The following EDNRB variants were observed in gnomAD, a reference collection of about 807,000 sequenced individuals.
The protein encoded by EDNRB is Hirschsprung disease 2.
A neutral mutation model predicts 46.4 loss-of-function variants in EDNRB; 18 were observed. That is an observed-to-expected ratio of 0.39 (90% confidence interval 0.27 to 0.57). The LOEUF (loss-of-function observed/expected upper bound fraction) is 0.57, where lower values mean the gene tolerates loss of function less well. Ranked by LOEUF, EDNRB falls within the 20% of genes least tolerant of loss-of-function variation. EDNRB has a pLI of 0.61. For missense variants in EDNRB, 434 were observed against 537.5 expected, an observed-to-expected ratio of 0.81 and a Z score of 1.90; for synonymous variants, 213 against 204.9, an observed-to-expected ratio of 1.04 and a Z score of -0.34.
intron 1 of EDNRB, among the ~76,000 whole-genome samples, chr13:77,945,901 A>AAAAAAAAAAAAAAAAAAC (rs1391892820): frequency 9.9e-5 from 15 of 150,810 alleles, no homozygotes; most frequent in South Asian, 2.1e-4. Context: ...AAACAAAAAA[A>AAAAAAAAAAAAAAAAAAC]ACACACAATC....
chr13:77,938,175 G>C (rs1880624258), intron 1 of EDNRB, among the ~76,000 whole-genome samples: 1 of 152,058 alleles, frequency 6.6e-6, no homozygotes, highest in Non-Finnish European at 1.5e-5. Flanking sequence ...GTTGCCCATA[G>C]TGAAGGAGGC....
chr13:77,966,961 T>C (rs959201128), intron 1 of EDNRB, among the ~76,000 whole-genome samples: 2 of 152,146 alleles, frequency 1.3e-5, no homozygotes, highest in Non-Finnish European at 2.9e-5. Context: ...ATCCTCTAAA[T>C]AACCCATTCA....
At chr13:77,963,223 C>G (rs888684360) in intron 1 of EDNRB, among the ~76,000 whole-genome samples, 1 of 152,156 alleles carries the variant, frequency 6.6e-6, no homozygotes, top group African/African-American at 2.4e-5. Context: ...CAATGCCATC[C>G]CCATCAACCT....
chr13:77,947,584 C>T (rs1199267390), intron 1 of EDNRB: 3 of 152,056 alleles, frequency 2.0e-5, no homozygotes, highest in Non-Finnish European at 2.9e-5. Context: ...TGACCTGCTC[C>T]GTTTCCAACC....
intron 1 of EDNRB, among the ~76,000 whole-genome samples, chr13:77,957,979 A>G (rs919859143): frequency 6.6e-5 from 10 of 152,324 alleles, no homozygotes; most frequent in Middle Eastern, 3.4e-3. Flanking sequence ...AATTCTTTTT[A>G]AAATGTTGAG....
Position 77,972,572 on chromosome 13 carries a change from C to G in EDNRB, c.-52+2775G>C, listed in dbSNP as rs554225632. Among the ~76,000 whole-genome samples, 27 of 152,202 alleles carry G rather than the reference C, an allele frequency of 1.8e-4. 1 individual carries two copies. The highest frequency in any genetic ancestry group is 6.3e-4 in the African/African-American group (26 of 41,520). On this transcript the variant is annotated intron_variant, in intron 1 of 7. Coordinates refer to the EDNRB transcript ENST00000646948. ...ACTGGGGTCTTTATCGAAATCTCCC[C>G]CGATTAAACGGTCCTAGTTTACCAA...
intron 1 of EDNRB, among the ~76,000 whole-genome samples, chr13:77,967,361 G>A (rs767211721): frequency 4.6e-5 from 7 of 152,192 alleles, no homozygotes; most frequent in African/African-American, 1.7e-4. Context: ...ACCCTACAGC[G>A]AACTTTCTCT....
At chr13:77,963,731 C>T (rs1881496207) in intron 1 of EDNRB, among the ~76,000 whole-genome samples, 1 of 152,162 alleles carries the variant, frequency 6.6e-6, no homozygotes, top group African/African-American at 2.4e-5. Context: ...ATGTCTAAAA[C>T]ACCAAAAGCA....
Position 77,896,332 on chromosome 13 carries a change from G to A in EDNRB, c.*1868C>T. On this transcript the variant is annotated 3_prime_UTR_variant, in exon 7 of 7. Transcript: ENST00000646607. Reference sequence around the variant, plus strand: ...AGTGATTCAAAATTAATTTAAAATTGAGAGTCTAAAATGACTTCTATGATA... The same window carrying A: ...AGTGATTCAAAATTAATTTAAAATTAAGAGTCTAAAATGACTTCTATGATA... The A allele has an allele frequency of 9.5e-7, 1 of 1,054,242 alleles. No homozygotes were observed. Among genetic ancestry groups the A allele is most frequent in the East Asian group, 3.2e-5 (1 of 30,938 alleles). 65.3% of individuals were successfully genotyped at this position (1,054,242 alleles called of 1,614,324 possible).
chr13:77,900,781 A>G, intron 4 of EDNRB, 127 bp from the exon 5 acceptor site: 3 of 1,373,604 alleles, frequency 2.2e-6, no homozygotes, highest in Non-Finnish European at 3.0e-6. Flanking sequence ...CAGGACACTG[A>G]GCTTTATATG....
chr13:77,947,160 A>G (rs968105544), intron 1 of EDNRB, among the ~76,000 whole-genome samples: 1 of 152,244 alleles, frequency 6.6e-6, no homozygotes, highest in Non-Finnish European at 1.5e-5. Context: ...GACCACATAT[A>G]AAGTAATAAT....
intron 1 of EDNRB, among the ~76,000 whole-genome samples, chr13:77,943,456 G>A (rs2137666990): frequency 6.6e-6 from 1 of 152,158 alleles, no homozygotes; most frequent in African/African-American, 2.4e-5. Context: ...CCTATTAAAT[G>A]TCATGTAGCC....
chr13:77,929,421 A>G (rs1880324655), intron 1 of EDNRB, among the ~76,000 whole-genome samples: 1 of 152,172 alleles, frequency 6.6e-6, no homozygotes, highest in South Asian at 2.1e-4. Flanking sequence ...GCTTGATCTC[A>G]TAATGTAACG....
Position 77,918,532 on chromosome 13 carries a change from C to A in EDNRB, c.42G>T (p.Ala14=), listed in dbSNP as rs1447498957. Residue 14 remains alanine, a synonymous_variant, in exon 1 of 7, where the codon GCG becomes GCT. Transcript: ENST00000646607. The surrounding 1 kb of genome is among the most constrained non-coding windows in gnomAD (Gnocchi z 4.5). ...PPSLCGRALV[A]LVLACGLSRI... ...GCGACAGGCCGCAGGCAAGAACCAG[C>A]GCAACCAGGGCGCGTCCGCACAGAC... is the stretch of plus-strand genomic sequence containing the variant. 1.4e-5 allele frequency: 23 copies of A among 1,593,508 alleles called. No individual in the cohort carries two copies. The highest frequency in any genetic ancestry group is 1.5e-5 in the Non-Finnish European group (18 of 1,172,726).
chr13:77,926,037 T>C (rs754775206), intron 1 of EDNRB, among the ~76,000 whole-genome samples: 25 of 152,340 alleles, frequency 1.6e-4, no homozygotes, highest in Non-Finnish European at 8.8e-5. Flanking sequence ...CAGACTTGCA[T>C]GGGGCCGGAA....
intron 1 of EDNRB, among the ~76,000 whole-genome samples, chr13:77,958,115 T>C (rs1881292750): frequency 6.6e-6 from 1 of 152,202 alleles, no homozygotes; most frequent in South Asian, 2.1e-4. Context: ...CATTACTCTA[T>C]ATTAGAATCA....
intron 1 of EDNRB, among the ~76,000 whole-genome samples, chr13:77,951,096 C>T (rs1218476239): frequency 9.2e-5 from 14 of 152,166 alleles, no homozygotes; most frequent in African/African-American, 3.1e-4. Context: ...CTTAGATAAA[C>T]CACAACATGG....
chr13:77,955,954 G>A (rs1009068279), intron 1 of EDNRB, among the ~76,000 whole-genome samples: 4 of 151,658 alleles, frequency 2.6e-5, no homozygotes, highest in South Asian at 2.1e-4. Flanking sequence ...TTTTAAAATC[G>A]AGAGTGTGAT....
chr13:77,899,596 T>C lies in EDNRB; in HGVS notation c.1194+263A>G, dbSNP rs12720196. ...GCCTATCAGACATCAATGCATGTAATTTTTATTACTTTTTGGTCAACAATT... is the reference window on the plus strand; with the variant it reads ...GCCTATCAGACATCAATGCATGTAACTTTTATTACTTTTTGGTCAACAATT... On this transcript the variant is annotated intron_variant, in intron 6 of 6. Transcript: ENST00000646607. 1.1e-3 allele frequency: 448 copies of C among 393,176 alleles called. 3 individuals carry two copies. Among genetic ancestry groups the C allele is most frequent in the African/African-American group, 8.5e-3 (415 of 48,946 alleles). 24.4% of individuals were successfully genotyped at this position (393,176 alleles called of 1,614,324 possible).
Sources: allele counts gnomAD v4.1 joint callset (sites outside exome capture counted in the v4.1 genomes callset), GRCh38; gene constraint gnomAD v4.1.1; non-coding constraint Gnocchi (gnomAD v3.1); transcripts MANE v1.5; gene names NCBI Gene and HGNC (gene_info 2026-07-23, HGNC 2026-07-21).